STK33: variants seen among roughly 807,000 people sequenced by gnomAD.
The protein encoded by STK33 is serine/threonine-protein kinase 33.
In STK33, 52 loss-of-function variants were observed where a neutral mutation model predicts 58.0. The ratio of observed to expected loss-of-function variants is 0.90; its 90% CI spans 0.72 to 1.13. STK33 has a LOEUF of 1.13. STK33 is among the 50% of genes most tolerant of loss of function. The probability of loss-of-function intolerance (pLI) is 0.00; values close to 1 mark genes in which losing one functional copy is unlikely to be tolerated. For synonymous variants in STK33, 215 were observed against 200.1 expected (o/e 1.07, Z -0.63); for missense variants, 630 against 604.2 (o/e 1.04, Z -0.45).
chr11:8,523,792 CCCGG>C (rs1412249544), intron 1 of STK33, among the ~76,000 whole-genome samples: 5 of 152,220 alleles, frequency 3.3e-5, no homozygotes, highest in Non-Finnish European at 7.3e-5. Context: ...AGCCCCTCTG[CCCGG>C]CCGCCACCCT....
chr11:8,546,767 T>C (rs1216126085), intron 1 of STK33, among the ~76,000 whole-genome samples: 1 of 152,354 alleles, frequency 6.6e-6, no homozygotes, highest in African/African-American at 2.4e-5. Context: ...CAGGATTTCA[T>C]TGTCATTTAT....
At chr11:8,440,175 G>T (rs1944562587) in intron 12 of STK33, among the ~76,000 whole-genome samples, 1 of 152,034 alleles carries the variant, frequency 6.6e-6, no homozygotes, top group South Asian at 2.1e-4. Context: ...GGAAGAACAA[G>T]AATGACTGAA....
At chr11:8,416,301 T>C (rs1184221857) in intron 14 of STK33, among the ~76,000 whole-genome samples, 1 of 152,168 alleles carries the variant, frequency 6.6e-6, no homozygotes, top group Non-Finnish European at 1.5e-5. Context: ...TTATAAGTTA[T>C]ATGGTAAGAA....
At chr11:8,442,674 G>T (rs1196538058) in intron 11 of STK33, among the ~76,000 whole-genome samples, 1 of 152,064 alleles carries the variant, frequency 6.6e-6, no homozygotes, top group Non-Finnish European at 1.5e-5. Context: ...TGCCAACAGG[G>T]GGATATGAAC....
the STK33 span, among the ~76,000 whole-genome samples, chr11:8,347,519 G>A: frequency 6.6e-6 from 1 of 152,244 alleles, no homozygotes; most frequent in Non-Finnish European, 1.5e-5. Context: ...CCAGGATCCG[G>A]GCTGAGGAAG....
At chr11:8,428,748 G>A (rs1020200552) in intron 14 of STK33, among the ~76,000 whole-genome samples, 1 of 152,080 alleles carries the variant, frequency 6.6e-6, no homozygotes, top group Non-Finnish European at 1.5e-5. Flanking sequence ...ATTCAATCGT[G>A]TATGAATGAA....
chr11:8,573,100 G>A (rs1483836762), intron 1 of STK33, among the ~76,000 whole-genome samples: 1 of 151,750 alleles, frequency 6.6e-6, no homozygotes, highest in Non-Finnish European at 1.5e-5. Flanking sequence ...TGTTAAGCTG[G>A]ACTTCATCAA....
intron 14 of STK33, among the ~76,000 whole-genome samples, chr11:8,414,425 A>T (rs1940811471): frequency 6.6e-6 from 1 of 152,178 alleles, no homozygotes; most frequent in African/African-American, 2.4e-5. Flanking sequence ...TCATACTGTT[A>T]GAAAAAATTT....
intron 1 of STK33, among the ~76,000 whole-genome samples, chr11:8,507,173 A>C (rs1458623832): frequency 1.3e-5 from 2 of 152,122 alleles, no homozygotes; most frequent in African/African-American, 4.8e-5. Context: ...CCTTGCCCCC[A>C]AAAAGAGCCT....
chr11:8,384,049 G>A, the STK33 span, among the ~76,000 whole-genome samples: 1 of 152,226 alleles, frequency 6.6e-6, no homozygotes, highest in African/African-American at 2.4e-5. Context: ...GATGTGGGCA[G>A]AAAGTTACCC....
chr11:8,407,877 G>A lies in STK33; in HGVS notation c.1344+5618C>T, dbSNP rs140180969. On this transcript the variant is annotated intron_variant, in intron 15 of 15. Transcript: ENST00000687296. ...GCAGGATAAAAGTGAAGAAGAACACGCTTAGCAATAGCATTGTTAAACTGC... is the reference window on the plus strand; with the variant it reads ...GCAGGATAAAAGTGAAGAAGAACACACTTAGCAATAGCATTGTTAAACTGC... Among the ~76,000 whole-genome samples the A allele has an allele frequency of 3.2e-3, 494 of 152,186 alleles. 3 individuals are homozygous for A. Among genetic ancestry groups the A allele is most frequent in the African/African-American group, 0.011 (473 of 41,512 alleles).
intron 1 of STK33, among the ~76,000 whole-genome samples, chr11:8,569,193 G>C (rs1271154158): frequency 6.6e-6 from 1 of 152,192 alleles, no homozygotes; most frequent in African/African-American, 2.4e-5. Context: ...AGAAAAGCCA[G>C]AACAATCTTG....
chr11:8,457,312 G>T, intron 9 of STK33, 29 bp downstream of exon 9: 8 of 1,503,682 alleles, frequency 5.3e-6, no homozygotes, highest in Non-Finnish European at 7.2e-6. Flanking sequence ...TATTCATGGG[G>T]TCAATGAGCT....
chr11:8,462,462 CACACACACACATAT>C (rs1947665521), intron 7 of STK33, among the ~76,000 whole-genome samples: 2 of 146,462 alleles, frequency 1.4e-5, no homozygotes, highest in African/African-American at 2.5e-5. Flanking sequence ...CACACACACA[CACACACACACATAT>C]ATATATATAT....
chr11:8,560,208 T>C (rs894648108), intron 1 of STK33, among the ~76,000 whole-genome samples: 2 of 152,166 alleles, frequency 1.3e-5, no homozygotes, highest in East Asian at 3.8e-4. Flanking sequence ...TTTTGATAAA[T>C]GTCAGACTGC....
At chr11:8,479,322 A>G (rs1591384507) in intron 2 of STK33, among the ~76,000 whole-genome samples, 2 of 152,072 alleles carry the variant, frequency 1.3e-5, no homozygotes, top group Admixed American at 1.3e-4. Context: ...AATCCCGGCT[A>G]CTAGGGAGGC....
intron 1 of STK33, among the ~76,000 whole-genome samples, chr11:8,509,229 T>C (rs141427881): frequency 2.6e-5 from 4 of 152,004 alleles, no homozygotes; most frequent in African/African-American, 9.6e-5. Flanking sequence ...AGTTCAACGA[T>C]TAAATCCTAT....
At chr11:8,520,952 A>T (rs916218736) in intron 1 of STK33, among the ~76,000 whole-genome samples, 7 of 151,768 alleles carry the variant, frequency 4.6e-5, no homozygotes, top group African/African-American at 1.7e-4. Flanking sequence ...AAATGAAATG[A>T]TTTCTAATGA....
chr11:8,478,769 T>C (rs751999628), intron 2 of STK33, among the ~76,000 whole-genome samples: 2 of 152,004 alleles, frequency 1.3e-5, no homozygotes, highest in Non-Finnish European at 2.9e-5. Context: ...AACTTACGAA[T>C]TGTCTGACAT....
Sources: gnomAD v4.1 joint callset for allele counts (sites outside exome capture counted in the v4.1 genomes callset) on GRCh38, gnomAD v4.1.1 for gene constraint, MANE v1.5 for transcripts, NCBI Gene and HGNC (gene_info 2026-07-23, HGNC 2026-07-21) for gene names.